The following UBR4 variants were observed in gnomAD, a reference collection of about 807,000 sequenced individuals.
The protein encoded by UBR4 is E3 ubiquitin-protein ligase UBR4.
A neutral mutation model predicts 575.6 loss-of-function variants in UBR4; 124 were observed. The observed-to-expected ratio is 0.22, with a 90% CI of 0.19 to 0.25. UBR4 has a LOEUF of 0.25. Ranked by LOEUF, UBR4 falls within the 10% of genes least tolerant of loss-of-function variation. The pLI is 1.00. For missense variants in UBR4, 4,818 were observed against 6,478.8 expected, an observed-to-expected ratio of 0.74 and a Z score of 8.80; for synonymous variants, 2,455 against 2,473.7, an observed-to-expected ratio of 0.99 and a Z score of 0.22.
chr1:19,084,835 A>G lies in UBR4; in HGVS notation c.14814-137T>C, dbSNP rs575997818. ...GCAAACGGAGACAAGAATACAAGGGAAAGTTGAGGCCAAGGCTGGGGCCAG... is the reference window on the plus strand; with the variant it reads ...GCAAACGGAGACAAGAATACAAGGGGAAGTTGAGGCCAAGGCTGGGGCCAG... On this transcript the variant is annotated intron_variant, in intron 101 of 105. Transcript: ENST00000375254. The G allele has an allele frequency of 1.3e-4, 110 of 836,412 alleles. 2 individuals carry two copies. In the Admixed American group the frequency reaches 3.2e-3, roughly 25 times the overall value. The allele number at this position is 836,412 out of a possible 1,614,324, so 51.8% of individuals were successfully genotyped here.
rs2087228439 is a variant in UBR4 at position 19,160,854 on chromosome 1, C to G, written c.5406+63G>C. 3 of 1,522,378 alleles carry G rather than the reference C, an allele frequency of 2.0e-6. No individual in the cohort carries two copies. The East Asian group carries it at 6.9e-5, about 35-fold the overall frequency. The allele number at this position is 1,522,378 out of a possible 1,614,324, so 94.3% of individuals were successfully genotyped here. A position where few individuals can be genotyped will look rare whatever the true frequency, so the allele number is the denominator to read the frequency against. On this transcript the variant is annotated intron_variant, in intron 38 of 105. Coordinates refer to ENST00000375254, the MANE Select transcript of UBR4 (RefSeq NM_020765.3). ...AGGGGAGCCATGTGCATTATTTACT[C>G]TCACACCAATTCAACAGGCTCTGAA...
At chr1:19,136,058 C>T (rs1557730407) in intron 60 of UBR4, among the ~76,000 whole-genome samples, 1 of 151,988 alleles carries the variant, frequency 6.6e-6, no homozygotes, top group African/African-American at 2.4e-5. Context: ...CTGGGGAGGT[C>T]GGGGGTGCTG....
At position 19,104,268 on chromosome 1, in the gene UBR4, A is replaced by G. The variant is rs771230037; in HGVS notation, c.12728-11T>C. On this transcript the variant is annotated splice_polypyrimidine_tract_variant and intron_variant, in intron 86 of 105. Coordinates refer to ENST00000375254, the MANE Select transcript of UBR4 (RefSeq NM_020765.3). ...AGGAGGAGAGAAGGCCTGTGGAGAC[A>G]GGAAAATGTTGCTGTGAGAGCTCTG... 8 of 1,613,312 alleles carry G rather than the reference A, an allele frequency of 5.0e-6. No individual in the cohort carries two copies. The highest frequency in any genetic ancestry group is 6.8e-6 in the Non-Finnish European group (8 of 1,179,354).
In UBR4 at chr1:19,164,955, G is replaced by T. The variant is rs1268383839; in HGVS notation, c.4355C>A (p.Ser1452Tyr). Residue 1452 changes from serine (S) to tyrosine (Y), a missense_variant, in exon 32 of 106, where the codon TCC (serine) becomes TAC (tyrosine). Coordinates refer to ENST00000375254, the MANE Select transcript of UBR4 (RefSeq NM_020765.3). Reference sequence around the variant, plus strand: ...TTCCACACAGGCCAGTTGTGCCAGGGAGCCACAGAGATGCAACAGGCTCGG... The same window carrying T: ...TTCCACACAGGCCAGTTGTGCCAGGTAGCCACAGAGATGCAACAGGCTCGG... Reference protein sequence around the residue: ...PNPSLLHLCGSLAQLACVEPV... With the variant: ...PNPSLLHLCGYLAQLACVEPV... The T allele has an allele frequency of 2.5e-6, 4 of 1,614,038 alleles. No homozygotes were observed. In the African/African-American group the frequency reaches 4.0e-5, roughly 16 times the overall value.
In UBR4 at chr1:19,110,677, C is replaced by T. The variant is rs1389355857; in HGVS notation, c.11892+65G>A. On this transcript the variant is annotated intron_variant, in intron 79 of 105. Transcript: ENST00000375254. The surrounding 1 kb of genome is among the most constrained non-coding windows in gnomAD (Gnocchi z 4.5). ...TCACCGCAGGACCTGGGAGGGGAAGCTGAGAAACACAAGGCATGTGAGGGG... is the reference window on the plus strand; with the variant it reads ...TCACCGCAGGACCTGGGAGGGGAAGTTGAGAAACACAAGGCATGTGAGGGG... 6 of 1,559,502 alleles carry T rather than the reference C, an allele frequency of 3.8e-6. No homozygotes were observed. Among genetic ancestry groups the T allele is most frequent in the Non-Finnish European group, 5.3e-6 (6 of 1,131,664 alleles).
chr1:19,097,740 G>A (rs1210874796), intron 90 of UBR4, among the ~76,000 whole-genome samples: 2 of 152,172 alleles, frequency 1.3e-5, no homozygotes, highest in East Asian at 3.8e-4. Flanking sequence ...CTACTACCCA[G>A]GACAAACAAG....
intron 27 of UBR4, among the ~76,000 whole-genome samples, chr1:19,168,557 G>A (rs908758938): frequency 6.6e-6 from 1 of 152,248 alleles, no homozygotes; most frequent in African/African-American, 2.4e-5. Flanking sequence ...CAGAGGTCAC[G>A]ATCATAAAGC....
chr1:19,162,512 A>T lies in UBR4; in HGVS notation c.4864T>A (p.Ser1622Thr), dbSNP rs759352020. The T allele has an allele frequency of 9.3e-6, 15 of 1,614,058 alleles. No homozygotes were observed. In the East Asian group the frequency reaches 3.3e-4, roughly 36 times the overall value. The change falls in exon 35 of 106, where the codon TCA (serine) becomes ACA (threonine). Residue 1622 changes from serine to threonine, a missense_variant. Physicochemically the swap from Ser to Thr is moderately conservative, Grantham distance 58. Coordinates refer to ENST00000375254, the MANE Select transcript of UBR4 (RefSeq NM_020765.3). Reference protein sequence around the residue: ...QSNGQGPSHLSVDGEERAIEV... With the variant: ...QSNGQGPSHLTVDGEERAIEV... ...ATGGCCCGCTCTTCCCCATCCACTG[A>T]GAGATGACTTGGGCCTTGACCATTA...
rs1488465651 is a variant in UBR4, at chr1:19,084,657, G to A, written c.14855C>T (p.Pro4952Leu). The stretch of plus-strand genomic sequence containing the variant: ...GTCATGGATGTTGAGCTGATACGTG[G>A]GCTCCCGCTGGCCTGTACATTCCTG... ...YLQECTGQRE[P>L]TYQLNIHDIK... Residue 4952 changes from proline to leucine, a missense_variant, in exon 102 of 106, where the codon CCC becomes CTC. Physicochemically the swap from Pro to Leu is moderately conservative, Grantham distance 98. Coordinates refer to ENST00000375254, the MANE Select transcript of UBR4 (RefSeq NM_020765.3). The A allele has an allele frequency of 6.2e-7, 1 of 1,613,840 alleles. No homozygotes were observed. Among genetic ancestry groups the A allele is most frequent in the Non-Finnish European group, 8.5e-7 (1 of 1,179,932 alleles).
chr1:19,083,398 G>A (rs1013057329), intron 102 of UBR4, among the ~76,000 whole-genome samples: 41 of 152,214 alleles, frequency 2.7e-4, no homozygotes, highest in African/African-American at 9.4e-4. Flanking sequence ...TTGTCCTGTT[G>A]CCTAAACTGT....
At chr1:19,133,598 T>C (rs891262412) in intron 60 of UBR4, among the ~76,000 whole-genome samples, 3 of 152,182 alleles carry the variant, frequency 2.0e-5, no homozygotes, top group African/African-American at 7.2e-5. Flanking sequence ...AAAGTTACAC[T>C]GTTATTTGCA....
chr1:19,196,135 CATG>C (rs1558003700), intron 8 of UBR4, among the ~76,000 whole-genome samples: 2 of 152,188 alleles, frequency 1.3e-5, no homozygotes, highest in Non-Finnish European at 2.9e-5. Flanking sequence ...AGAGCTCCTT[CATG>C]ATTACTGCCT....
intron 101 of UBR4, among the ~76,000 whole-genome samples, chr1:19,085,569 C>T (rs1390687316): frequency 6.6e-6 from 1 of 152,210 alleles, no homozygotes; most frequent in African/African-American, 2.4e-5. Context: ...TCTCCATTGT[C>T]ACTGCCAGCT....
intron 92 of UBR4, 80 bp downstream of exon 92, chr1:19,096,443 C>G: frequency 6.5e-7 from 1 of 1,549,954 alleles, no homozygotes; most frequent in African/African-American, 1.4e-5. Flanking sequence ...TAAAATGACA[C>G]AGTGGCCATA....
chr1:19,167,159 C>A lies in UBR4; in HGVS notation c.3972G>T (p.Glu1324Asp), dbSNP rs141088065. The A allele has an allele frequency of 1.4e-4, 218 of 1,614,096 alleles. No homozygotes were observed. Among genetic ancestry groups the A allele is most frequent in the Middle Eastern group, 4.9e-4 (3 of 6,084 alleles). Reference protein sequence around the residue: ...LLPLLLESSTESVAEISSNSL... With the variant: ...LLPLLLESSTDSVAEISSNSL... ...AGTTGCTACTGATCTCGGCAACACT[C>A]TCAGTGCTTGATTCCAAAAGAAGAG... Residue 1324 changes from glutamate (E) to aspartate (D), a missense_variant, in exon 29 of 106, where the codon GAG becomes GAT. Glu to Asp is a conservative substitution (Grantham distance 45, BLOSUM62 2). This residue lies in a region of UBR4 where 1,172 missense variants were observed against 1,259.7 expected (regional missense o/e 0.93). Transcript: ENST00000375254.
intron 1 of UBR4, among the ~76,000 whole-genome samples, chr1:19,209,753 T>C (rs1191959930): frequency 6.6e-6 from 1 of 152,198 alleles, no homozygotes; most frequent in Non-Finnish European, 1.5e-5. Context: ...CATCTGTGAC[T>C]TGACCCAAGG....
chr1:19,154,356 G>C (rs1010818759), intron 44 of UBR4, among the ~76,000 whole-genome samples: 3 of 152,214 alleles, frequency 2.0e-5, no homozygotes, highest in African/African-American at 7.2e-5. Flanking sequence ...CTGAGAGAAA[G>C]TGCTACAATG....
chr1:19,199,050 C>T lies in UBR4; in HGVS notation c.379-122G>A, dbSNP rs2092616018. 6.3e-6 allele frequency: 7 copies of T among 1,112,364 alleles called. No individual in the cohort carries two copies. In the South Asian group the frequency reaches 9.5e-5, roughly 15 times the overall value. 68.9% of individuals were successfully genotyped at this position (1,112,364 alleles called of 1,614,324 possible). On this transcript the variant is annotated intron_variant, in intron 3 of 105. Coordinates refer to ENST00000375254, the MANE Select transcript of UBR4 (RefSeq NM_020765.3). The stretch of plus-strand genomic sequence containing the variant: ...ATTTAGGTTCATATAAACACTAAAG[C>T]AAAGACTGCAAGCTGATGTCCTTAG...
intron 29 of UBR4, among the ~76,000 whole-genome samples, chr1:19,166,116 A>AAGAGG (rs1387326773): frequency 6.6e-6 from 1 of 152,256 alleles, no homozygotes. Context: ...TTAAAAAGAA[A>AAGAGG]AGAGGAGACA....
Sources: allele counts gnomAD v4.1 joint callset (sites outside exome capture counted in the v4.1 genomes callset), GRCh38; gene constraint gnomAD v4.1.1; regional missense constraint gnomAD v4.1.1; non-coding constraint Gnocchi (gnomAD v3.1); transcripts MANE v1.5; gene names NCBI Gene and HGNC (gene_info 2026-07-23, HGNC 2026-07-21).